Variants in CCHCR1 observed in about 807,000 individuals in gnomAD.
The protein encoded by CCHCR1 is HCR (a-helix coiled-coil rod homologue).
In CCHCR1, 91 loss-of-function variants were observed where a neutral mutation model predicts 114.6. That is an observed-to-expected ratio of 0.79 (90% confidence interval 0.67 to 0.94). CCHCR1 has a LOEUF of 0.94. Ranked by LOEUF, CCHCR1 falls within the 40% of genes least tolerant of loss-of-function variation. CCHCR1 has a pLI of 0.00. For synonymous variants in CCHCR1, 379 were observed against 428.5 expected (o/e 0.88, Z 1.43); for missense variants, 899 against 1,079.9 (o/e 0.83, Z 2.35).
At chr6:31,153,567 T>C (rs1229896933) in intron 4 of CCHCR1, among the ~76,000 whole-genome samples, 1 of 149,494 alleles carries the variant, frequency 6.7e-6, no homozygotes, top group Non-Finnish European at 1.5e-5. Context: ...CTCCCTTGTT[T>C]TCTCCCAGTT....
intron 10 of CCHCR1, among the ~76,000 whole-genome samples, chr6:31,147,209 G>A (rs1247104216): frequency 6.6e-6 from 1 of 151,990 alleles, no homozygotes; most frequent in African/African-American, 2.4e-5. Context: ...GACCAGCCTG[G>A]CCAACACAGT....
Position 31,154,614 on chromosome 6 carries a change from C to T in CCHCR1, c.683G>A (p.Gly228Asp). 2.5e-6 allele frequency: 4 copies of T among 1,612,988 alleles called. No individual in the cohort carries two copies. The highest frequency in any genetic ancestry group is 3.4e-6 in the Non-Finnish European group (4 of 1,180,040). The change falls in exon 4 of 18, where the codon GGC (glycine) becomes GAC (aspartate). Residue 228 changes from glycine to aspartate, a missense_variant. By Grantham distance (94) the Gly-to-Asp change is moderately conservative. Transcript: ENST00000396268. The surrounding 1 kb of genome is among the most constrained non-coding windows in gnomAD (Gnocchi z 4.1). ...LEALARAEKA[G>D]RAEAEGLRAA... ...ACGCAGGCCCTCAGCCTCAGCTCGG[C>T]CGGCCTTCTCCGCCCGTGCCAGAGC... is the stretch of plus-strand genomic sequence containing the variant.
In CCHCR1 at chr6:31,144,792, G is replaced by C; in HGVS notation, c.2066-4C>G. 6.2e-7 allele frequency: 1 copy of C among 1,613,406 alleles called. No homozygotes were observed. Among genetic ancestry groups the C allele is most frequent in the Non-Finnish European group, 8.5e-7 (1 of 1,179,458 alleles). On this transcript the variant is annotated splice_polypyrimidine_tract_variant and splice_region_variant and intron_variant, in intron 14 of 17. Coordinates refer to ENST00000396268, the MANE Select transcript of CCHCR1 (RefSeq NM_001105564.2). The surrounding 1 kb of genome is among the most constrained non-coding windows in gnomAD (Gnocchi z 4.6). ...TCAGCCACCTTTTCTTGCAGGGCTG[G>C]GGTGAAAGTGCAGACGGGGCATATC... is the stretch of plus-strand genomic sequence containing the variant.
In CCHCR1 at chr6:31,152,333, A is replaced by G. The variant is rs190952701; in HGVS notation, c.802-1211T>C. 3.0e-4 allele frequency among the ~76,000 whole-genome samples: 46 copies of G among 151,914 alleles called. No homozygotes were observed. In the East Asian group the frequency reaches 8.9e-3, roughly 29 times the overall value. On this transcript the variant is annotated intron_variant, in intron 4 of 17. Transcript: ENST00000396268. Reference sequence around the variant, plus strand: ...ACGGTTGCTTATTACTTGAAAAAACAATTTTTTTTTGTTTGTTTTTTTGGA... The same window carrying G: ...ACGGTTGCTTATTACTTGAAAAAACGATTTTTTTTTGTTTGTTTTTTTGGA...
At chr6:31,152,057 G>A (rs1775301167) in intron 4 of CCHCR1, among the ~76,000 whole-genome samples, 1 of 152,132 alleles carries the variant, frequency 6.6e-6, no homozygotes, top group Non-Finnish European at 1.5e-5. Flanking sequence ...AGCACTTTGG[G>A]AGGCCGAGGT....
chr6:31,154,410 T>C lies in CCHCR1; in HGVS notation c.801+86A>G, dbSNP rs1775692522. On this transcript the variant is annotated intron_variant, in intron 4 of 17. Transcript: ENST00000396268. The surrounding 1 kb of genome is among the most constrained non-coding windows in gnomAD (Gnocchi z 4.1). ...TCTACTACTCACTACTCATGGAGGG[T>C]CTTTTCTGCAATACCTGTTCTTTGC... 3 of 1,009,324 alleles carry C rather than the reference T, an allele frequency of 3.0e-6. No homozygotes were observed. The South Asian group carries it at 4.4e-5, about 15-fold the overall frequency. 62.5% of individuals were successfully genotyped at this position (1,009,324 alleles called of 1,614,324 possible).
chr6:31,145,884 A>G lies in CCHCR1; in HGVS notation c.1581-76T>C, dbSNP rs2151005231. 6 of 841,856 alleles carry G rather than the reference A, an allele frequency of 7.1e-6. No homozygotes were observed. The South Asian group carries it at 8.4e-5, about 12-fold the overall frequency. 52.1% of individuals were successfully genotyped at this position (841,856 alleles called of 1,614,324 possible). ...GGACTTGCTGTGCCTTGTATAGACAACTCCCTCTAATCCTGTCCCATTATA... is the reference window on the plus strand; with the variant it reads ...GGACTTGCTGTGCCTTGTATAGACAGCTCCCTCTAATCCTGTCCCATTATA... On this transcript the variant is annotated intron_variant, in intron 10 of 17. Transcript: ENST00000396268.
intron 4 of CCHCR1, among the ~76,000 whole-genome samples, chr6:31,152,422 G>A (rs1055889815): frequency 1.3e-5 from 2 of 151,468 alleles, no homozygotes; most frequent in African/African-American, 2.4e-5. Flanking sequence ...CACTGCAAAC[G>A]CTGCCTCCCA....
Position 31,143,164 on chromosome 6 carries a change from G to A in CCHCR1, c.2320-30C>T. 1.2e-6 allele frequency: 2 copies of A among 1,611,522 alleles called. No homozygotes were observed. Among genetic ancestry groups the A allele is most frequent in the African/African-American group, 2.7e-5 (2 of 75,014 alleles). On this transcript the variant is annotated intron_variant, in intron 16 of 17. Coordinates refer to ENST00000396268, the MANE Select transcript of CCHCR1 (RefSeq NM_001105564.2). This position sits in a 1 kb window ranked among gnomAD's most constrained non-coding sequence, Gnocchi z 5.3. ...GAAGGAGAGGGTTAAACCTAGCCCGGATAGAGCCTCCCTCACCATCCTCTT... is the reference window on the plus strand; with the variant it reads ...GAAGGAGAGGGTTAAACCTAGCCCGAATAGAGCCTCCCTCACCATCCTCTT...
At chr6:31,148,872 T>C (rs3130497) in intron 8 of CCHCR1, 144 bp from the exon 9 acceptor site, 165,642 of 187,908 alleles carry the variant, frequency 0.88, 75,308 homozygotes, top group East Asian at 0.98. Context: ...GGGGGTGGGT[T>C]GCAGCACGGT....
In CCHCR1 at chr6:31,142,973, C is replaced by A; in HGVS notation, c.2481G>T (p.Glu827Asp). 1 of 1,612,444 alleles carries A rather than the reference C, an allele frequency of 6.2e-7. No individual in the cohort carries two copies. ...APVAAAVPTRESIKGSLSVLL... is the reference protein window; with the variant it reads ...APVAAAVPTRDSIKGSLSVLL... Reference sequence around the variant, plus strand: ...TGCTTGGCCCAAGACCTTTTATGGACTCCCTGGTGGGCACTGCTGCTGCTA... The same window carrying A: ...TGCTTGGCCCAAGACCTTTTATGGAATCCCTGGTGGGCACTGCTGCTGCTA... Residue 827 changes from glutamate to aspartate, a missense_variant, in exon 17 of 18, where the codon GAG becomes GAT. Coordinates refer to ENST00000396268, the MANE Select transcript of CCHCR1 (RefSeq NM_001105564.2).
At chr6:31,155,649 C>G (rs1775897233) in intron 3 of CCHCR1, among the ~76,000 whole-genome samples, 1 of 150,452 alleles carries the variant, frequency 6.6e-6, no homozygotes, top group African/African-American at 2.4e-5. Flanking sequence ...TATGAGGAGT[C>G]TGAGAGAACA....
rs1312183381 is a variant in CCHCR1 at position 31,151,485 on chromosome 6, C to T, written c.802-363G>A. Among the ~76,000 whole-genome samples, 1 of 152,192 alleles carries T rather than the reference C, an allele frequency of 6.6e-6. No individual in the cohort carries two copies. The highest frequency in any genetic ancestry group is 6.5e-5 in the Admixed American group (1 of 15,276). On this transcript the variant is annotated intron_variant, in intron 4 of 17. Transcript: ENST00000396268. The surrounding 1 kb of genome is among the most constrained non-coding windows in gnomAD (Gnocchi z 4.1). The stretch of plus-strand genomic sequence containing the variant: ...CTCCACACCTGCAGGCCAGGGGACC[C>T]GGCCTCTGCCTACCTCCTGAGCTCA...
chr6:31,148,352 A>G (rs1774645500), intron 10 of CCHCR1, 53 bp downstream of exon 10: 1 of 1,165,580 alleles, frequency 8.6e-7, no homozygotes, highest in Admixed American at 2.0e-5. Context: ...CAAGGTGCCC[A>G]GGAACCTGAG....
At position 31,144,812 on chromosome 6, in the gene CCHCR1, C is replaced by A. The variant is rs879198967; in HGVS notation, c.2066-24G>T. ...GGCTGGGGTGAAAGTGCAGACGGGG[C>A]ATATCAGCAGGAGCTTTGATTCGCA... On this transcript the variant is annotated intron_variant, in intron 14 of 17. Transcript: ENST00000396268. This position sits in a 1 kb window ranked among gnomAD's most constrained non-coding sequence, Gnocchi z 4.6. The A allele has an allele frequency of 1.9e-6, 3 of 1,611,792 alleles. No individual in the cohort carries two copies. The highest frequency in any genetic ancestry group is 2.2e-5 in the South Asian group (2 of 91,026).
rs367762431 is a variant in CCHCR1 at position 31,153,814 on chromosome 6, G to C, written c.801+682C>G. Among the ~76,000 whole-genome samples the C allele has an allele frequency of 5.4e-4, 82 of 152,282 alleles. 2 individuals are homozygous for C. The East Asian group carries it at 6.8e-3, about 13-fold the overall frequency. ...AGGCTGGTCTTGAACTCCTGACCTT[G>C]TGATCTGCCTGCTTCGGCCTCCCAA... On this transcript the variant is annotated intron_variant, in intron 4 of 17. Coordinates refer to ENST00000396268, the MANE Select transcript of CCHCR1 (RefSeq NM_001105564.2).
At chr6:31,148,850 G>A (rs3131014) in intron 8 of CCHCR1, 122 bp from the exon 9 acceptor site, 36,698 of 290,582 alleles carry the variant, frequency 0.13, 5,479 homozygotes, top group African/African-American at 0.27. Context: ...GGGGGGAGGG[G>A]GGGCGGGCGA....
rs975784172 is a variant in CCHCR1, at chr6:31,150,965, T to G, written c.959A>C (p.Gln320Pro). 4 of 1,612,726 alleles carry G rather than the reference T, an allele frequency of 2.5e-6. No homozygotes were observed. The highest frequency in any genetic ancestry group is 3.4e-6 in the Non-Finnish European group (4 of 1,179,984). The change falls in exon 5 of 18, where the codon CAG becomes CCG. Residue 320 changes from glutamine (Q) to proline (P), a missense_variant. Physicochemically the swap from Gln to Pro is moderately conservative, Grantham distance 76. Transcript: ENST00000396268. This position sits in a 1 kb window ranked among gnomAD's most constrained non-coding sequence, Gnocchi z 5.3. ...AQREAELLRK[Q>P]LSKTQEDLEA... ...TCGGCGTCCGCCCACCTACCTCAGCTGCTTCCGAAGCAGCTCGGCCTCCCT... is the reference window on the plus strand; with the variant it reads ...TCGGCGTCCGCCCACCTACCTCAGCGGCTTCCGAAGCAGCTCGGCCTCCCT...
chr6:31,143,041 C>G lies in CCHCR1; in HGVS notation c.2413G>C (p.Val805Leu), dbSNP rs775751793. 6.2e-7 allele frequency: 1 copy of G among 1,613,046 alleles called. No homozygotes were observed. Residue 805 changes from valine (V) to leucine (L), a missense_variant, in exon 17 of 18, where the codon GTG becomes CTG. Transcript: ENST00000396268. The surrounding 1 kb of genome is among the most constrained non-coding windows in gnomAD (Gnocchi z 5.3). Reference protein sequence around the residue: ...PSLLDKKKSVVSSPRPPECSA... With the variant: ...PSLLDKKKSVLSSPRPPECSA... ...CACTCTGGAGGCCTGGGGCTGGACA[C>G]CACAGATTTCTTCTTATCCAGTAGG...
Sources: allele counts gnomAD v4.1 joint callset (sites outside exome capture counted in the v4.1 genomes callset), GRCh38; gene constraint gnomAD v4.1.1; non-coding constraint Gnocchi (gnomAD v3.1); transcripts MANE v1.5; gene names NCBI Gene and HGNC (gene_info 2026-07-23, HGNC 2026-07-21).